IMMP2L: variants seen among roughly 807,000 people sequenced by gnomAD.
The protein encoded by IMMP2L is mitochondrial inner membrane protease subunit 2.
A neutral mutation model predicts 19.3 loss-of-function variants in IMMP2L; 18 were observed. The ratio of observed to expected loss-of-function variants is 0.93; its 90% CI spans 0.64 to 1.38. The LOEUF (loss-of-function observed/expected upper bound fraction) is 1.38. Among genes scored for constraint, IMMP2L ranks in the 40% most tolerant of loss-of-function variants. The pLI is 0.00. For missense variants in IMMP2L, 233 were observed against 218.2 expected (o/e 1.07, Z -0.43); for synonymous variants, 76 against 73.0 (o/e 1.04, Z -0.21).
At chr7:111,506,525 G>C (rs1022496418) in intron 2 of IMMP2L, among the ~76,000 whole-genome samples, 5 of 152,150 alleles carry the variant, frequency 3.3e-5, no homozygotes. Context: ...AGCCTCCAGA[G>C]TAGCTGGGAC....
chr7:111,193,240 G>A (rs1809095287), intron 3 of IMMP2L, among the ~76,000 whole-genome samples: 1 of 152,150 alleles, frequency 6.6e-6, no homozygotes, highest in South Asian at 2.1e-4. Context: ...AAGTCGATGG[G>A]TGTCTGTGCA....
At chr7:110,741,398 G>A (rs557565201) in intron 5 of IMMP2L, among the ~76,000 whole-genome samples, 2 of 152,210 alleles carry the variant, frequency 1.3e-5, no homozygotes, top group African/African-American at 4.8e-5. Flanking sequence ...AGCAAGAAGT[G>A]GGCCTTTAGG....
At chr7:110,882,540 C>T (rs1481744913) in intron 5 of IMMP2L, among the ~76,000 whole-genome samples, 1 of 151,958 alleles carries the variant, frequency 6.6e-6, no homozygotes, top group Non-Finnish European at 1.5e-5. Context: ...GCCACCACAC[C>T]CAGCTGATTT....
In IMMP2L at chr7:110,800,843, T is replaced by A. The variant is rs552049147; in HGVS notation, c.408+85750A>T. Among the ~76,000 whole-genome samples, 4 of 152,174 alleles carry A rather than the reference T, an allele frequency of 2.6e-5. No homozygotes were observed. The East Asian group carries it at 7.8e-4, about 30-fold the overall frequency. On this transcript the variant is annotated intron_variant, in intron 5 of 5. Transcript: ENST00000405709. ...TAACTTCTTTACAGGGTACATTTGGTAAGGGCAGATGCCAATAATGTAGGA... is the reference window on the plus strand; with the variant it reads ...TAACTTCTTTACAGGGTACATTTGGAAAGGGCAGATGCCAATAATGTAGGA...
At chr7:110,830,579 C>T (rs982431545) in intron 5 of IMMP2L, among the ~76,000 whole-genome samples, 1 of 151,406 alleles carries the variant, frequency 6.6e-6, no homozygotes, top group African/African-American at 2.4e-5. Context: ...GTACTGCAAA[C>T]AAAAAAAACA....
At chr7:110,756,743 T>C (rs1258928248) in intron 5 of IMMP2L, among the ~76,000 whole-genome samples, 1 of 152,146 alleles carries the variant, frequency 6.6e-6, no homozygotes, top group Non-Finnish European at 1.5e-5. Context: ...ACTGCCTTTA[T>C]ATAGAAAATT....
chr7:111,263,955 T>G (rs1034365118), intron 3 of IMMP2L, among the ~76,000 whole-genome samples: 2 of 152,080 alleles, frequency 1.3e-5, no homozygotes, highest in Non-Finnish European at 2.9e-5. Context: ...TAAGAGATAT[T>G]TAAAAGGCAA....
rs187276406 is a variant in IMMP2L, at chr7:111,065,858, A to G, written c.240-102293T>C. On this transcript the variant is annotated intron_variant, in intron 3 of 5. Coordinates refer to ENST00000405709, the MANE Select transcript of IMMP2L (RefSeq NM_032549.4). ...TTAATAAACTCCCTTTTATATACAT[A>G]TCTATCCTGTTAGTTCTGTTTCTCT... 3.5e-3 allele frequency among the ~76,000 whole-genome samples: 534 copies of G among 150,948 alleles called. 3 individuals carry two copies. The highest frequency in any genetic ancestry group is 0.013 in the African/African-American group (518 of 40,938).
At chr7:111,466,067 C>T (rs1288759788) in intron 3 of IMMP2L, among the ~76,000 whole-genome samples, 3 of 152,046 alleles carry the variant, frequency 2.0e-5, no homozygotes, top group Non-Finnish European at 2.9e-5. Flanking sequence ...AGCAAACTAT[C>T]GCAAGGACAA....
At chr7:111,473,211 G>T (rs909293957) in intron 3 of IMMP2L, among the ~76,000 whole-genome samples, 1 of 151,998 alleles carries the variant, frequency 6.6e-6, no homozygotes, top group African/African-American at 2.4e-5. Context: ...CTATGCACAG[G>T]GTGACTATGC....
chr7:111,444,225 G>A (rs1034430829), intron 3 of IMMP2L, among the ~76,000 whole-genome samples: 10 of 151,864 alleles, frequency 6.6e-5, no homozygotes, highest in South Asian at 2.1e-4. Context: ...TCATGTATCC[G>A]CTGATACATA....
chr7:111,398,423 T>G (rs1438341431), intron 3 of IMMP2L, among the ~76,000 whole-genome samples: 3 of 152,064 alleles, frequency 2.0e-5, no homozygotes, highest in African/African-American at 7.2e-5. Context: ...AAATCCAGCA[T>G]CCGTTTATGA....
At chr7:111,145,103 A>G (rs1274907436) in intron 3 of IMMP2L, among the ~76,000 whole-genome samples, 4 of 152,074 alleles carry the variant, frequency 2.6e-5, no homozygotes, top group Admixed American at 6.6e-5. Context: ...CAACAAAAGA[A>G]TATGTCTAGG....
chr7:110,734,412 T>C (rs2130833514), intron 5 of IMMP2L, among the ~76,000 whole-genome samples: 1 of 152,300 alleles, frequency 6.6e-6, no homozygotes, highest in Non-Finnish European at 1.5e-5. Context: ...TTAACAGCAA[T>C]GAAATAGGGT....
rs578165198 is a variant in IMMP2L at position 111,143,637 on chromosome 7, C to T, written c.240-180072G>A. Among the ~76,000 whole-genome samples the T allele has an allele frequency of 1.3e-4, 20 of 152,214 alleles. No homozygotes were observed. The South Asian group carries it at 2.9e-3, about 22-fold the overall frequency. Reference sequence around the variant, plus strand: ...AATGAAAGAATTCTTTTACAGGCACCTCTTACTAAAGCCAAGAAATGGAAT... The same window carrying T: ...AATGAAAGAATTCTTTTACAGGCACTTCTTACTAAAGCCAAGAAATGGAAT... On this transcript the variant is annotated intron_variant, in intron 3 of 5. Coordinates refer to ENST00000405709, the MANE Select transcript of IMMP2L (RefSeq NM_032549.4).
chr7:110,743,368 A>G (rs1797115343), intron 5 of IMMP2L, among the ~76,000 whole-genome samples: 1 of 152,210 alleles, frequency 6.6e-6, no homozygotes, highest in Non-Finnish European at 1.5e-5. Flanking sequence ...TGCAGAATTA[A>G]CATTGACATT....
At chr7:110,888,434 G>T (rs1810449753) in intron 4 of IMMP2L, among the ~76,000 whole-genome samples, 1 of 152,106 alleles carries the variant, frequency 6.6e-6, no homozygotes, top group Non-Finnish European at 1.5e-5. Context: ...GGGTATTCTG[G>T]ATAAATGCTC....
chr7:111,152,707 T>C (rs1804214476), intron 3 of IMMP2L, among the ~76,000 whole-genome samples: 1 of 152,090 alleles, frequency 6.6e-6, no homozygotes, highest in Non-Finnish European at 1.5e-5. Flanking sequence ...TCCTCATTAA[T>C]AGACAAAAAG....
At chr7:111,117,281 A>G (rs947687700) in intron 3 of IMMP2L, among the ~76,000 whole-genome samples, 9 of 152,150 alleles carry the variant, frequency 5.9e-5, no homozygotes, top group Non-Finnish European at 8.8e-5. Flanking sequence ...ACAGAATAGT[A>G]TCATGTAAGT....
Sources: gnomAD v4.1 joint callset for allele counts (sites outside exome capture counted in the v4.1 genomes callset) on GRCh38, gnomAD v4.1.1 for gene constraint, MANE v1.5 for transcripts, NCBI Gene and HGNC (gene_info 2026-07-23, HGNC 2026-07-21) for gene names.